Variants in GRM8 observed in about 807,000 individuals in gnomAD.
GRM8 encodes metabotropic glutamate receptor 8.
In GRM8, 47 loss-of-function variants were observed where a neutral mutation model predicts 87.2. The ratio of observed to expected loss-of-function variants is 0.54; its 90% CI spans 0.43 to 0.69. The LOEUF (loss-of-function observed/expected upper bound fraction) is 0.69, where lower values mean the gene tolerates loss of function less well. GRM8 is among the 30% of genes least tolerant of loss of function. The pLI, the probability that GRM8 is intolerant of heterozygous loss-of-function variation, is 0.00. For synonymous variants in GRM8, 396 were observed against 404.5 expected, an observed-to-expected ratio of 0.98 and a Z score of 0.25; for missense variants, 1,019 against 1,139.2, an observed-to-expected ratio of 0.89 and a Z score of 1.52.
intron 6 of GRM8, among the ~76,000 whole-genome samples, chr7:126,826,474 T>C (rs1272184033): frequency 6.6e-6 from 1 of 152,244 alleles, no homozygotes; most frequent in East Asian, 1.9e-4. Context: ...TGGCCAGTGA[T>C]GATGAGCATT....
chr7:127,211,330 G>C lies in GRM8; in HGVS notation c.510+31365C>G, dbSNP rs577528379. ...GAAGAAGTTGGAGTCTGATGTTTGA[G>C]GGCAGGAAGCATCCAGCATGGGAGA... On this transcript the variant is annotated intron_variant, in intron 2 of 10. Coordinates refer to ENST00000339582, the MANE Select transcript of GRM8 (RefSeq NM_000845.3). Among the ~76,000 whole-genome samples, 124 of 152,302 alleles carry C rather than the reference G, an allele frequency of 8.1e-4. 1 individual carries two copies. In the Middle Eastern group the frequency reaches 0.01, roughly 13 times the overall value.
At chr7:126,860,904 A>T (rs1197692194) in intron 6 of GRM8, among the ~76,000 whole-genome samples, 1 of 152,172 alleles carries the variant, frequency 6.6e-6, no homozygotes. Flanking sequence ...TGTGAATATT[A>T]GTATATAACT....
At chr7:127,059,929 T>A (rs1406896991) in intron 3 of GRM8, among the ~76,000 whole-genome samples, 2 of 152,342 alleles carry the variant, frequency 1.3e-5, no homozygotes, top group South Asian at 2.1e-4. Context: ...ATATCCCTGC[T>A]GCTGATTCAC....
rs969781732 is a variant in GRM8 at position 126,651,240 on chromosome 7, G to T, written c.1358-41742C>A. 2.0e-5 allele frequency among the ~76,000 whole-genome samples: 3 copies of T among 152,300 alleles called. No individual in the cohort carries two copies. The East Asian group carries it at 5.8e-4, about 29-fold the overall frequency. ...ACTCACTTTGTGGCCAAAGAAGTGT[G>T]GCAGTGGGCTCATGCTCATGGAATT... On this transcript the variant is annotated intron_variant, in intron 7 of 10. Transcript: ENST00000339582.
intron 8 of GRM8, among the ~76,000 whole-genome samples, chr7:126,544,368 G>A (rs745575689): frequency 7.9e-5 from 12 of 152,028 alleles, no homozygotes; most frequent in South Asian, 2.1e-4. Context: ...TAAACTTATC[G>A]TTTCCTAAAT....
intron 7 of GRM8, among the ~76,000 whole-genome samples, chr7:126,657,293 C>T (rs967528752): frequency 1.3e-5 from 2 of 151,694 alleles, no homozygotes; most frequent in Non-Finnish European, 2.9e-5. Context: ...ACTTGCTTGA[C>T]ATTAAATATT....
intron 7 of GRM8, among the ~76,000 whole-genome samples, chr7:126,666,465 G>A (rs1302139857): frequency 6.6e-6 from 1 of 152,102 alleles, no homozygotes; most frequent in Non-Finnish European, 1.5e-5. Context: ...GAAAATATGA[G>A]ATGAAAGAAA....
chr7:127,234,218 T>C (rs967253363), intron 2 of GRM8, among the ~76,000 whole-genome samples: 4 of 152,238 alleles, frequency 2.6e-5, no homozygotes, highest in Non-Finnish European at 5.9e-5. Context: ...TTTCATCTTT[T>C]ACTGTTCTCA....
chr7:126,756,985 C>G, intron 7 of GRM8, among the ~76,000 whole-genome samples: 1 of 151,936 alleles, frequency 6.6e-6, no homozygotes, highest in East Asian at 1.9e-4. Flanking sequence ...GGGTATTGTA[C>G]TAAAATGTAA....
intron 2 of GRM8, among the ~76,000 whole-genome samples, chr7:127,115,711 T>C (rs2133152882): frequency 6.6e-6 from 1 of 152,326 alleles, no homozygotes; most frequent in Non-Finnish European, 1.5e-5. Flanking sequence ...AACAGCTCCT[T>C]AGGAAAAGAA....
chr7:126,849,432 A>G (rs1031211516), intron 6 of GRM8, among the ~76,000 whole-genome samples: 1 of 152,192 alleles, frequency 6.6e-6, no homozygotes, highest in Admixed American at 6.5e-5. Flanking sequence ...GAAGGTAATA[A>G]GCAGAGGAGT....
chr7:126,531,036 TA>T (rs1814736138), intron 9 of GRM8, among the ~76,000 whole-genome samples: 1 of 152,188 alleles, frequency 6.6e-6, no homozygotes, highest in South Asian at 2.1e-4. Flanking sequence ...CTTGTCATTT[TA>T]TGTATTGTCT....
intron 8 of GRM8, among the ~76,000 whole-genome samples, chr7:126,580,965 TA>T (rs1795553308): frequency 1.7e-5 from 2 of 115,996 alleles, no homozygotes; most frequent in African/African-American, 2.6e-5. Flanking sequence ...CTTAAAAAAA[TA>T]GAAAAAAAAA....
intron 9 of GRM8, among the ~76,000 whole-genome samples, chr7:126,462,817 T>G (rs1287365328): frequency 6.6e-6 from 1 of 151,682 alleles, no homozygotes; most frequent in African/African-American, 2.4e-5. Context: ...ACTTTCTTTT[T>G]CCTTTTATTA....
At chr7:127,161,048 C>A (rs767635614) in intron 2 of GRM8, among the ~76,000 whole-genome samples, 27 of 152,134 alleles carry the variant, frequency 1.8e-4, no homozygotes, top group Non-Finnish European at 3.7e-4. Context: ...TTTTTACTTT[C>A]TTCTCTGTAC....
chr7:127,089,168 G>T (rs1823810397), intron 3 of GRM8, among the ~76,000 whole-genome samples: 1 of 152,208 alleles, frequency 6.6e-6, no homozygotes, highest in Non-Finnish European at 1.5e-5. Context: ...ATAAGAGACA[G>T]AAAAGGAGAA....
intron 7 of GRM8, among the ~76,000 whole-genome samples, chr7:126,658,883 G>A (rs1200851180): frequency 2.0e-5 from 3 of 152,036 alleles, no homozygotes; most frequent in East Asian, 1.9e-4. Context: ...CTAGGGGACC[G>A]AGCCACTCAC....
intron 3 of GRM8, among the ~76,000 whole-genome samples, chr7:127,086,536 T>C (rs1823521414): frequency 6.6e-6 from 1 of 152,216 alleles, no homozygotes; most frequent in Admixed American, 6.5e-5. Flanking sequence ...GGTCTCTGTC[T>C]ACATGCACCT....
At chr7:126,730,423 C>A (rs77645058) in intron 7 of GRM8, among the ~76,000 whole-genome samples, 1 of 152,234 alleles carries the variant, frequency 6.6e-6, no homozygotes, top group African/African-American at 2.4e-5. Context: ...AGTGAATACA[C>A]CAGCTGGACT....
Sources: gnomAD v4.1 joint callset for allele counts (sites outside exome capture counted in the v4.1 genomes callset) on GRCh38, gnomAD v4.1.1 for gene constraint, MANE v1.5 for transcripts, NCBI Gene and HGNC (gene_info 2026-07-23, HGNC 2026-07-21) for gene names.